The following RPS6KC1 variants were observed in gnomAD, a reference collection of about 807,000 sequenced individuals.
RPS6KC1 encodes the protein inactive ribosomal protein S6 kinase delta-1.
RPS6KC1 carries 54 observed loss-of-function variants against 103.8 expected under a neutral mutation model. The ratio of observed to expected loss-of-function variants is 0.52; its 90% CI spans 0.42 to 0.65. RPS6KC1 has a LOEUF of 0.65. RPS6KC1 is among the 30% of genes least tolerant of loss of function. RPS6KC1 has a pLI of 0.00. For missense variants in RPS6KC1, 1,151 were observed against 1,253.8 expected (o/e 0.92, Z 1.24); for synonymous variants, 439 against 438.7 (o/e 1.00, Z -0.01).
At chr1:213,446,201 G>C in the RPS6KC1 span, among the ~76,000 whole-genome samples, 1 of 152,176 alleles carries the variant, frequency 6.6e-6, no homozygotes, top group Non-Finnish European at 1.5e-5. Flanking sequence ...AGGGTGTCCA[G>C]TGCTGCAAAG....
the RPS6KC1 span, among the ~76,000 whole-genome samples, chr1:213,552,048 A>C: frequency 6.6e-6 from 1 of 152,200 alleles, no homozygotes; most frequent in African/African-American, 2.4e-5. Flanking sequence ...TCTTTTTAGC[A>C]TGGAATAATA....
At chr1:213,337,513 G>A in the RPS6KC1 span, among the ~76,000 whole-genome samples, 1 of 152,166 alleles carries the variant, frequency 6.6e-6, no homozygotes, top group African/African-American at 2.4e-5. Context: ...TGCTTCTGGA[G>A]GACACAGGAG....
intron 8 of RPS6KC1, among the ~76,000 whole-genome samples, chr1:213,181,488 A>G (rs183642782): frequency 5.9e-5 from 9 of 152,348 alleles, no homozygotes; most frequent in Admixed American, 5.2e-4. Context: ...TATAATTGAG[A>G]AAATGTGTGG....
chr1:213,651,583 G>C, the RPS6KC1 span, among the ~76,000 whole-genome samples: 3 of 152,088 alleles, frequency 2.0e-5, no homozygotes, highest in Non-Finnish European at 2.9e-5. Flanking sequence ...TAAAAGAAAG[G>C]CACTTTGATT....
At chr1:213,524,620 GTC>G in the RPS6KC1 span, among the ~76,000 whole-genome samples, 1 of 152,148 alleles carries the variant, frequency 6.6e-6, no homozygotes, top group Non-Finnish European at 1.5e-5. Flanking sequence ...TACAAATCCT[GTC>G]TCTGCCATTT....
the RPS6KC1 span, among the ~76,000 whole-genome samples, chr1:213,539,860 AT>A: frequency 1.3e-5 from 2 of 151,942 alleles, no homozygotes; most frequent in African/African-American, 2.4e-5. Flanking sequence ...GGTCACACAC[AT>A]TTTTTTGGTT....
chr1:213,587,324 TG>T, the RPS6KC1 span, among the ~76,000 whole-genome samples: 1 of 152,232 alleles, frequency 6.6e-6, no homozygotes, highest in Non-Finnish European at 1.5e-5. Flanking sequence ...CCTATATTTC[TG>T]CCTTAAAAAC....
At chr1:213,591,434 A>G in the RPS6KC1 span, among the ~76,000 whole-genome samples, 1 of 151,778 alleles carries the variant, frequency 6.6e-6, no homozygotes, top group Non-Finnish European at 1.5e-5. Flanking sequence ...GTTTCCCACC[A>G]TGTTTCTCGG....
the RPS6KC1 span, among the ~76,000 whole-genome samples, chr1:213,669,565 A>C: frequency 1.3e-5 from 2 of 152,240 alleles, no homozygotes; most frequent in Non-Finnish European, 1.5e-5. Flanking sequence ...ACAGAGGCAC[A>C]AAGTGAGCAC....
At chr1:213,336,339 G>A in the RPS6KC1 span, among the ~76,000 whole-genome samples, 2 of 152,206 alleles carry the variant, frequency 1.3e-5, no homozygotes, top group Non-Finnish European at 2.9e-5. Flanking sequence ...TCAAGTTTAT[G>A]AGTCAATAAG....
chr1:213,706,054 G>A, the RPS6KC1 span, among the ~76,000 whole-genome samples: 1 of 152,160 alleles, frequency 6.6e-6, no homozygotes, highest in Non-Finnish European at 1.5e-5. Context: ...CTGGGGTTGG[G>A]GGAAGAATGA....
At chr1:213,462,847 C>A in the RPS6KC1 span, among the ~76,000 whole-genome samples, 1 of 152,154 alleles carries the variant, frequency 6.6e-6, no homozygotes, top group Non-Finnish European at 1.5e-5. Flanking sequence ...ACGTGTATAC[C>A]TGTGTAACAA....
chr1:213,467,453 C>T, the RPS6KC1 span, among the ~76,000 whole-genome samples: 5 of 152,166 alleles, frequency 3.3e-5, no homozygotes, highest in East Asian at 3.8e-4. Flanking sequence ...AATGTATCAG[C>T]GAACTGTGTT....
chr1:213,720,277 G>A, the RPS6KC1 span, among the ~76,000 whole-genome samples: 1 of 152,192 alleles, frequency 6.6e-6, no homozygotes, highest in African/African-American at 2.4e-5. Context: ...AGTGTTTAAG[G>A]ACTAGTAACA....
At chr1:213,096,354 C>G (rs552633935) in intron 3 of RPS6KC1, among the ~76,000 whole-genome samples, 5 of 152,134 alleles carry the variant, frequency 3.3e-5, no homozygotes, top group Non-Finnish European at 7.4e-5. Context: ...GTCTTGAACC[C>G]CTCAAAGTCA....
intron 3 of RPS6KC1, among the ~76,000 whole-genome samples, chr1:213,100,258 C>CT (rs552923687): frequency 2.9e-4 from 42 of 145,814 alleles, no homozygotes; most frequent in Admixed American, 1.9e-3. Flanking sequence ...CTCATATATC[C>CT]TTTTTTTTTG....
the RPS6KC1 span, among the ~76,000 whole-genome samples, chr1:213,777,005 A>G: frequency 3.9e-5 from 6 of 152,178 alleles, no homozygotes; most frequent in Admixed American, 3.3e-4. Flanking sequence ...ATAGAATTAA[A>G]GAGGGTTAGG....
intron 8 of RPS6KC1, chr1:213,205,536 T>TTTTATATATATATATATATATATATA (rs1553378412): frequency 2.4e-5 from 2 of 82,290 alleles, no homozygotes; most frequent in Non-Finnish European, 5.0e-5. Context: ...ACAAACTCAT[T>TTTTATATATATATATATATATATATA]TATATATATA....
At chr1:213,328,672 A>G in the RPS6KC1 span, among the ~76,000 whole-genome samples, 1 of 151,252 alleles carries the variant, frequency 6.6e-6, no homozygotes, top group Non-Finnish European at 1.5e-5. Context: ...AAAAGGGGAG[A>G]GGAGAAAGGA....
Sources: gnomAD v4.1 joint callset for allele counts (sites outside exome capture counted in the v4.1 genomes callset) on GRCh38, gnomAD v4.1.1 for gene constraint, MANE v1.5 for transcripts, NCBI Gene and HGNC (gene_info 2026-07-23, HGNC 2026-07-21) for gene names.